GDPD1: variants seen among roughly 807,000 people sequenced by gnomAD.
The protein encoded by GDPD1 is lysophospholipase D GDPD1.
In GDPD1, 28 loss-of-function variants were observed where a neutral mutation model predicts 45.1. The observed-to-expected ratio is 0.62, with a 90% CI of 0.46 to 0.85. GDPD1 has a LOEUF of 0.85. GDPD1 is among the 40% of genes least tolerant of loss of function. The probability of loss-of-function intolerance (pLI) is 0.00; values close to 1 mark genes in which losing one functional copy is unlikely to be tolerated. For synonymous variants in GDPD1, 139 were observed against 131.4 expected (o/e 1.06, Z -0.40); for missense variants, 256 against 364.8 (o/e 0.70, Z 2.43).
intron 2 of GDPD1, among the ~76,000 whole-genome samples, 196 bp from the exon 3 acceptor site, chr17:59,245,218 A>G (rs1274662153): frequency 2.0e-5 from 3 of 152,176 alleles, no homozygotes; most frequent in African/African-American, 4.8e-5. Flanking sequence ...GGATATGGAA[A>G]GGAGGCAACA....
chr17:59,223,861 A>G (rs1003430423), intron 1 of GDPD1, among the ~76,000 whole-genome samples: 1 of 152,182 alleles, frequency 6.6e-6, no homozygotes, highest in Non-Finnish European at 1.5e-5. Context: ...CAGTGAGCCG[A>G]GATGGTGCCA....
At chr17:59,238,847 A>G (rs2147881885) in intron 2 of GDPD1, among the ~76,000 whole-genome samples, 1 of 152,360 alleles carries the variant, frequency 6.6e-6, no homozygotes. Flanking sequence ...ATTCAGGAAT[A>G]AAGCAGAACA....
chr17:59,252,851 C>G (rs540042994), intron 4 of GDPD1, among the ~76,000 whole-genome samples: 9 of 152,024 alleles, frequency 5.9e-5, no homozygotes, highest in African/African-American at 1.7e-4. Context: ...AATACAAGAA[C>G]TAGCTGGACA....
chr17:59,247,250 C>A (rs1568343918), intron 3 of GDPD1, among the ~76,000 whole-genome samples: 1 of 152,130 alleles, frequency 6.6e-6, no homozygotes, highest in East Asian at 1.9e-4. Flanking sequence ...TGCTCATAGT[C>A]CATAGTTTAC....
chr17:59,272,915 A>G (rs1376289981), intron 9 of GDPD1, 79 bp downstream of exon 9: 1 of 1,611,862 alleles, frequency 6.2e-7, no homozygotes, highest in Non-Finnish European at 8.5e-7. Flanking sequence ...AGAACTTTTA[A>G]CTGACTTAGT....
chr17:59,225,090 CTTTTTTTTTTT>C (rs796851725), intron 1 of GDPD1, among the ~76,000 whole-genome samples: 10 of 113,678 alleles, frequency 8.8e-5, no homozygotes, highest in Non-Finnish European at 1.2e-4. Context: ...TCTTTCTTTT[CTTTTTTTTTTT>C]TTTTTTTTGA....
intron 8 of GDPD1, among the ~76,000 whole-genome samples, chr17:59,272,310 GTGTAATTAATGGACATAA>G (rs2047450185): frequency 6.6e-6 from 1 of 152,178 alleles, no homozygotes; most frequent in Non-Finnish European, 1.5e-5. Flanking sequence ...ACATAGGATA[GTGTAATTAATGGACATAA>G]TGCTTCTAAC....
intron 4 of GDPD1, among the ~76,000 whole-genome samples, chr17:59,255,536 G>A (rs1166028751): frequency 6.7e-6 from 1 of 149,556 alleles, no homozygotes; most frequent in African/African-American, 2.5e-5. Context: ...AACGCCAGGA[G>A]TTTGAGACCA....
intron 3 of GDPD1, among the ~76,000 whole-genome samples, chr17:59,247,295 G>A (rs2047219690): frequency 6.6e-6 from 1 of 152,014 alleles, no homozygotes; most frequent in South Asian, 2.1e-4. Flanking sequence ...TGTGGTTTTG[G>A]ACAAATTTAT....
intron 2 of GDPD1, among the ~76,000 whole-genome samples, chr17:59,243,787 G>A (rs2047192045): frequency 1.3e-5 from 2 of 152,192 alleles, no homozygotes; most frequent in African/African-American, 2.4e-5. Context: ...ACACTTAGGT[G>A]CCAACTGAGT....
chr17:59,246,117 CAA>C (rs377607565), intron 3 of GDPD1, among the ~76,000 whole-genome samples: 1 of 126,710 alleles, frequency 7.9e-6, no homozygotes, highest in Non-Finnish European at 1.7e-5. Context: ...GACTCTGTCT[CAA>C]AAAAAAAAAA....
chr17:59,224,767 A>G (rs1206106285), intron 1 of GDPD1, among the ~76,000 whole-genome samples: 1 of 152,104 alleles, frequency 6.6e-6, no homozygotes, highest in African/African-American at 2.4e-5. Flanking sequence ...GGTTGTTGCT[A>G]TGATCGTGCC....
At chr17:59,252,818 G>A (rs557188846) in intron 4 of GDPD1, among the ~76,000 whole-genome samples, 2 of 152,206 alleles carry the variant, frequency 1.3e-5, no homozygotes, top group South Asian at 4.2e-4. Flanking sequence ...TGGCCAACAT[G>A]GTGAAACCCC....
chr17:59,255,278 A>G (rs2047287487), intron 4 of GDPD1, among the ~76,000 whole-genome samples: 1 of 152,112 alleles, frequency 6.6e-6, no homozygotes, highest in African/African-American at 2.4e-5. Context: ...ATAGTAAATT[A>G]TATAAATGAT....
intron 4 of GDPD1, among the ~76,000 whole-genome samples, chr17:59,252,586 T>G (rs1180252148): frequency 2.6e-5 from 4 of 151,974 alleles, no homozygotes; most frequent in African/African-American, 9.7e-5. Context: ...TAGCCCCAGC[T>G]ACTCGGGAGG....
chr17:59,258,554 A>G (rs1259054321), intron 6 of GDPD1, among the ~76,000 whole-genome samples: 2 of 152,080 alleles, frequency 1.3e-5, no homozygotes, highest in African/African-American at 4.8e-5. Flanking sequence ...AAAAAAACAA[A>G]CAAACACTTA....
Position 59,228,170 on chromosome 17 carries a change from TAA to T in GDPD1, c.143-6300_143-6299del, listed in dbSNP as rs36140380. Among the ~76,000 whole-genome samples, 535 of 91,652 alleles carry T rather than the reference TAA, an allele frequency of 5.8e-3. 4 individuals carry two copies. Among genetic ancestry groups the T allele is most frequent in the African/African-American group, 0.022 (493 of 22,790 alleles). 60.1% of individuals were successfully genotyped at this position (91,652 alleles called of 152,430 possible). A position where few individuals can be genotyped will look rare whatever the true frequency, so the allele number is the denominator to read the frequency against. On this transcript the variant is annotated intron_variant, in intron 1 of 9. Coordinates refer to ENST00000284116, the MANE Select transcript of GDPD1 (RefSeq NM_182569.4). The stretch of plus-strand genomic sequence containing the variant: ...CTGGGTGACAAAGAAAGACTCCATC[TAA>T]AAAAAAAAAAAAAAAAAAAAATTGA...
intron 1 of GDPD1, among the ~76,000 whole-genome samples, chr17:59,234,081 A>G (rs2147878384): frequency 6.6e-6 from 1 of 151,966 alleles, no homozygotes; most frequent in Non-Finnish European, 1.5e-5. Context: ...GTACCATTAC[A>G]CTCTTTAAAA....
intron 3 of GDPD1, among the ~76,000 whole-genome samples, chr17:59,247,632 G>A (rs547527913): frequency 3.4e-4 from 52 of 151,202 alleles, no homozygotes; most frequent in South Asian, 6.2e-4. Flanking sequence ...ACACTGCACT[G>A]AATTTTTTTT....
Sources: gnomAD v4.1 joint callset for allele counts (sites outside exome capture counted in the v4.1 genomes callset) on GRCh38, gnomAD v4.1.1 for gene constraint, MANE v1.5 for transcripts, NCBI Gene and HGNC (gene_info 2026-07-23, HGNC 2026-07-21) for gene names.